AP2B1: variants seen among roughly 807,000 people sequenced by gnomAD.
The protein encoded by AP2B1 is adaptor related protein complex 2 subunit beta 1.
In AP2B1, 23 loss-of-function variants were observed where a neutral mutation model predicts 102.0. The observed-to-expected ratio is 0.23, with a 90% CI of 0.16 to 0.32. AP2B1 has a LOEUF of 0.32. AP2B1 is among the 10% of genes least tolerant of loss of function. AP2B1 has a pLI of 1.00. For missense variants in AP2B1, 541 were observed against 1,157.4 expected (o/e 0.47, Z 7.73); for synonymous variants, 381 against 421.2 (o/e 0.90, Z 1.17).
chr17:35,594,838 G>T (rs225304), intron 2 of AP2B1, among the ~76,000 whole-genome samples: 96,051 of 152,044 alleles, frequency 0.63, 30,361 homozygotes, highest in Non-Finnish European at 0.65. Context: ...GGATTCTTCT[G>T]GGGAAAGTCC....
chr17:35,624,557 A>T lies in AP2B1; in HGVS notation c.686A>T (p.Tyr229Phe). 1.2e-6 allele frequency: 2 copies of T among 1,614,146 alleles called. No individual in the cohort carries two copies. The highest frequency in any genetic ancestry group is 1.7e-6 in the Non-Finnish European group (2 of 1,179,996). Residue 229 changes from tyrosine to phenylalanine, a missense_variant, in exon 6 of 22, where the codon TAC becomes TTC. Around this residue, in one of 10 missense-constraint regions of AP2B1, gnomAD observed 134 missense variants for 250.2 expected, o/e 0.54. Coordinates refer to ENST00000610402, the MANE Select transcript of AP2B1 (RefSeq NM_001030006.2). ...QIFILDCLSNYNPKDDREAQS... is the reference protein window; with the variant it reads ...QIFILDCLSNFNPKDDREAQS... ...TTCATCCTGGACTGCCTGTCTAATT[A>T]CAACCCTAAAGATGATCGGGAGGCT...
chr17:35,638,682 G>A lies in AP2B1; in HGVS notation c.1272-913G>A, dbSNP rs568454656. 4.0e-4 allele frequency among the ~76,000 whole-genome samples: 60 copies of A among 151,898 alleles called. 1 individual carries two copies. In the South Asian group the frequency reaches 7.7e-3, roughly 19 times the overall value. On this transcript the variant is annotated intron_variant, in intron 10 of 21. Transcript: ENST00000610402. ...CGGGCACCTGTAGTCCCAGCTACTCGGGAGGCTGAGGCAGGAGAATGGCAT... is the reference window on the plus strand; with the variant it reads ...CGGGCACCTGTAGTCCCAGCTACTCAGGAGGCTGAGGCAGGAGAATGGCAT...
intron 18 of AP2B1, among the ~76,000 whole-genome samples, chr17:35,701,955 C>T (rs1423445532): frequency 6.6e-6 from 1 of 152,150 alleles, no homozygotes; most frequent in African/African-American, 2.4e-5. Flanking sequence ...TTGTGTAAAC[C>T]CAAGTGAGGT....
Position 35,627,656 on chromosome 17 carries a change from CT to C in AP2B1, c.1086del (p.Thr363GlnfsTer30). On this transcript the variant is annotated frameshift_variant, in exon 9 of 22. Coordinates refer to ENST00000610402, the MANE Select transcript of AP2B1 (RefSeq NM_001030006.2). LOFTEE classifies it high-confidence loss of function. ...GTTCTGGCAGAACTGAAAGAATATG[CT>C]ACAGAGGTGGATGTTGACTTTGTTC... ...AQVLAELKEYATEVDVDFVRK... is the reference protein window; with the variant it reads ...AQVLAELKEYXTEVDVDFVRK... 1 of 1,614,090 alleles carries C rather than the reference CT, an allele frequency of 6.2e-7. No individual in the cohort carries two copies. The highest frequency in any genetic ancestry group is 8.5e-7 in the Non-Finnish European group (1 of 1,179,982).
intron 12 of AP2B1, 44 bp from the exon 13 acceptor site, chr17:35,650,486 A>C: frequency 6.3e-7 from 1 of 1,597,966 alleles, no homozygotes; most frequent in Non-Finnish European, 8.5e-7. Context: ...TTCTGTATGG[A>C]GAACAGTTTC....
At chr17:35,651,470 CTCAGAATCTTT>C (rs1354138159) in intron 13 of AP2B1, among the ~76,000 whole-genome samples, 4 of 152,142 alleles carry the variant, frequency 2.6e-5, no homozygotes, top group Non-Finnish European at 5.9e-5. Flanking sequence ...CAATGGGTAT[CTCAGAATCTTT>C]TCAGAATCTG....
At chr17:35,721,390 C>G (rs2143014878) in intron 21 of AP2B1, among the ~76,000 whole-genome samples, 1 of 152,264 alleles carries the variant, frequency 6.6e-6, no homozygotes, top group Non-Finnish European at 1.5e-5. Context: ...AAAGACATGT[C>G]ACATAAGGAA....
chr17:35,596,818 G>C lies in AP2B1; in HGVS notation c.38-1412G>C, dbSNP rs952315461. 3 of 649,566 alleles carry C rather than the reference G, an allele frequency of 4.6e-6. No homozygotes were observed. The African/African-American group carries it at 5.4e-5, about 12-fold the overall frequency. 40.2% of individuals were successfully genotyped at this position (649,566 alleles called of 1,614,324 possible). Reference sequence around the variant, plus strand: ...TGCATGGGCCCCCGCAGCGCTGCCAGGCCCCGCAGGCGCTGCCCCACACCG... The same window carrying C: ...TGCATGGGCCCCCGCAGCGCTGCCACGCCCCGCAGGCGCTGCCCCACACCG... On this transcript the variant is annotated intron_variant, in intron 2 of 21. Transcript: ENST00000610402.
intron 20 of AP2B1, among the ~76,000 whole-genome samples, chr17:35,713,299 A>T (rs1334920804): frequency 6.6e-6 from 1 of 152,220 alleles, no homozygotes; most frequent in African/African-American, 2.4e-5. Flanking sequence ...CCGCACATGA[A>T]ACATAGGGGA....
chr17:35,621,353 A>T (rs1170258999), intron 5 of AP2B1: 1 of 984,998 alleles, frequency 1.0e-6, no homozygotes, highest in African/African-American at 1.7e-5. Context: ...GAAAACTGAG[A>T]GTGCTGCCTG....
At chr17:35,624,800 G>A (rs9908809) in intron 6 of AP2B1, among the ~76,000 whole-genome samples, 20,397 of 152,126 alleles carry the variant, frequency 0.13, 1,393 homozygotes, top group Middle Eastern at 0.17. Context: ...TTTTCATACA[G>A]TTACTTCTGC....
chr17:35,596,801 C>CCCCCGCAGCGCTGCCAGG (rs2073298668), intron 2 of AP2B1: 2 of 622,190 alleles, frequency 3.2e-6, no homozygotes, highest in Non-Finnish European at 6.0e-6. Context: ...GCTGCATGGG[C>CCCCCGCAGCGCTGCCAGG]CCCCGCAGCG....
chr17:35,661,396 T>G (rs1355557500), intron 14 of AP2B1, among the ~76,000 whole-genome samples: 4 of 152,176 alleles, frequency 2.6e-5, no homozygotes, highest in Non-Finnish European at 5.9e-5. Context: ...CCAAATGGAG[T>G]TAGGTAGAGA....
At chr17:35,643,565 G>A (rs954091785) in intron 12 of AP2B1, among the ~76,000 whole-genome samples, 1 of 152,102 alleles carries the variant, frequency 6.6e-6, no homozygotes, top group Non-Finnish European at 1.5e-5. Flanking sequence ...CTGAGATAAA[G>A]TATTTAGGAA....
At chr17:35,679,914 A>G (rs989798677) in intron 17 of AP2B1, among the ~76,000 whole-genome samples, 2 of 141,598 alleles carry the variant, frequency 1.4e-5, no homozygotes, top group African/African-American at 5.4e-5. Context: ...TTGGAAGAGT[A>G]TGTGTGTAAA....
intron 3 of AP2B1, among the ~76,000 whole-genome samples, chr17:35,602,685 T>G (rs2073529314): frequency 6.6e-6 from 1 of 152,218 alleles, no homozygotes; most frequent in Admixed American, 6.5e-5. Flanking sequence ...CCAGTGTGTG[T>G]TTCACATTTA....
At chr17:35,719,864 A>G (rs1371139878) in intron 21 of AP2B1, among the ~76,000 whole-genome samples, 1 of 152,156 alleles carries the variant, frequency 6.6e-6, no homozygotes, top group Non-Finnish European at 1.5e-5. Flanking sequence ...AAATACAGTG[A>G]GCTCTTCCTG....
intron 1 of AP2B1, among the ~76,000 whole-genome samples, chr17:35,593,526 AT>A (rs565677149): frequency 2.7e-5 from 4 of 150,588 alleles, no homozygotes; most frequent in East Asian, 1.9e-4. Flanking sequence ...CTAATTTTGA[AT>A]TTTTTTTTTC....
intron 17 of AP2B1, among the ~76,000 whole-genome samples, chr17:35,677,513 C>T (rs746090251): frequency 4.6e-5 from 7 of 151,924 alleles, no homozygotes; most frequent in Admixed American, 2.6e-4. Context: ...AAACTTTTTC[C>T]GTAATAGGTC....
Sources: gnomAD v4.1 joint callset for allele counts (sites outside exome capture counted in the v4.1 genomes callset) on GRCh38, gnomAD v4.1.1 for gene constraint, gnomAD v4.1.1 regional missense constraint, MANE v1.5 for transcripts, NCBI Gene and HGNC (gene_info 2026-07-23, HGNC 2026-07-21) for gene names.